Variants in RAF1 observed in about 807,000 individuals in gnomAD.
The protein encoded by RAF1 is RAF proto-oncogene serine/threonine-protein kinase.
RAF1 carries 27 observed loss-of-function variants against 81.1 expected under a neutral mutation model. The ratio of observed to expected loss-of-function variants is 0.33; its 90% CI spans 0.25 to 0.46. RAF1 has a LOEUF of 0.46. RAF1 is among the 20% of genes least tolerant of loss of function. The probability of loss-of-function intolerance (pLI) is 1.00; values close to 1 mark genes in which losing one functional copy is unlikely to be tolerated. For synonymous variants in RAF1, 298 were observed against 294.0 expected (o/e 1.01, Z -0.14); for missense variants, 598 against 826.0 (o/e 0.72, Z 3.38).
At chr3:12,633,881 G>A (rs529003710) in intron 1 of RAF1, among the ~76,000 whole-genome samples, 1 of 146,162 alleles carries the variant, frequency 6.8e-6, no homozygotes, top group East Asian at 2.0e-4. Context: ...ATTGCAGTGA[G>A]CCAAGATTGT....
chr3:12,630,081 C>G (rs2059817652), intron 1 of RAF1, among the ~76,000 whole-genome samples: 1 of 152,162 alleles, frequency 6.6e-6, no homozygotes, highest in Non-Finnish European at 1.5e-5. Context: ...CTACACCTGG[C>G]CTAATTATAT....
At chr3:12,647,052 T>C (rs890099751) in intron 1 of RAF1, among the ~76,000 whole-genome samples, 1 of 150,956 alleles carries the variant, frequency 6.6e-6, no homozygotes. Flanking sequence ...ATCCCAGCAC[T>C]TTGGGAGGCC....
chr3:12,584,853 A>G lies in RAF1; in HGVS notation c.1857T>C (p.Phe619=), dbSNP rs2125319238. 1 of 1,614,044 alleles carries G rather than the reference A, an allele frequency of 6.2e-7. No individual in the cohort carries two copies. Among genetic ancestry groups the G allele is most frequent in the Non-Finnish European group, 8.5e-7 (1 of 1,179,968 alleles). The change falls in exon 17 of 18, where the codon TTT becomes TTC. Residue 619 remains phenylalanine (F), a synonymous_variant. Transcript: ENST00000442415. Reference sequence around the variant, plus strand: ...TAGCAGCCCTGAGCCTTACCTGGGGAAAAAGAGGCCTCTCTTCCTTTACTT... The same window carrying G: ...TAGCAGCCCTGAGCCTTACCTGGGGGAAAAGAGGCCTCTCTTCCTTTACTT...
chr3:12,662,089 G>A (rs1335421247), intron 1 of RAF1, among the ~76,000 whole-genome samples: 1 of 151,624 alleles, frequency 6.6e-6, no homozygotes, highest in East Asian at 1.9e-4. Flanking sequence ...AGCACGTTGG[G>A]AGGGAGAGGT....
chr3:12,645,630 G>T (rs2060323827), intron 1 of RAF1, among the ~76,000 whole-genome samples: 3 of 152,186 alleles, frequency 2.0e-5, no homozygotes, highest in Admixed American at 1.3e-4. Context: ...TAATGTAGTG[G>T]TTAAGAGTTT....
At chr3:12,643,057 G>A (rs1422377387) in intron 1 of RAF1, among the ~76,000 whole-genome samples, 1 of 152,068 alleles carries the variant, frequency 6.6e-6, no homozygotes, top group Non-Finnish European at 1.5e-5. Context: ...CTTTCAAGAA[G>A]TAAGATCCAT....
In RAF1 at chr3:12,604,281, TG is replaced by T. The variant is rs1246231774; in HGVS notation, c.688del (p.His230ThrfsTer47). 6.2e-7 allele frequency: 1 copy of T among 1,614,054 alleles called. No homozygotes were observed. On this transcript the variant is annotated frameshift_variant, in exon 7 of 18. Transcript: ENST00000442415. LOFTEE classifies it high-confidence loss of function. ...GAAGGCGTGAGGTGTAGAATATCTG[TG>T]CTGAGAACTAGGAGGAGAAAGAAAA...
intron 8 of RAF1, 38 bp from the exon 8 acceptor site, chr3:12,600,453 C>CA: frequency 6.2e-7 from 1 of 1,612,224 alleles, no homozygotes; most frequent in Non-Finnish European, 8.5e-7. Flanking sequence ...CTCCTACACA[C>CA]AAAAGATTTT....
At chr3:12,618,161 A>G (rs1220255541) in intron 2 of RAF1, among the ~76,000 whole-genome samples, 1 of 152,304 alleles carries the variant, frequency 6.6e-6, no homozygotes, top group East Asian at 1.9e-4. Flanking sequence ...CTTTAGGTGA[A>G]TATTTTAATA....
rs1372834568 is a variant in RAF1 at position 12,599,772 on chromosome 3, C to G, written c.1087G>C (p.Glu363Gln). Reference sequence around the variant, plus strand: ...AGCATCACTTCACTGGCTTCTATTTCCCAATAATAGCTTGAATCTCTCTGT... The same window carrying G: ...AGCATCACTTCACTGGCTTCTATTTGCCAATAATAGCTTGAATCTCTCTGT... Residue 363 changes from glutamate to glutamine, a missense_variant, in exon 11 of 18, where the codon GAA becomes CAA. Transcript: ENST00000442415. 1 of 1,614,142 alleles carries G rather than the reference C, an allele frequency of 6.2e-7. No individual in the cohort carries two copies. The highest frequency in any genetic ancestry group is 2.2e-5 in the East Asian group (1 of 44,886).
At position 12,663,957 on chromosome 3, in the gene RAF1, C is replaced by A. The variant is rs2060969286; in HGVS notation, c.-171G>T. On this transcript the variant is annotated 5_prime_UTR_variant, in exon 1 of 18. An upstream start codon of the reference 5' UTR is lost. Transcript: ENST00000442415. ...GGGACGGAGCCCCGAGCAGCCCCCG[C>A]ATCGTAGCAAACGCGCTCCGCGCCT... 2.5e-6 allele frequency: 1 copy of A among 398,362 alleles called. No individual in the cohort carries two copies. The highest frequency in any genetic ancestry group is 4.4e-6 in the Non-Finnish European group (1 of 225,942). The allele number at this position is 398,362 out of a possible 1,614,324, so 24.7% of individuals were successfully genotyped here.
chr3:12,585,488 C>T (rs753838201), intron 15 of RAF1, 193 bp downstream of exon 14: 11 of 954,562 alleles, frequency 1.2e-5, no homozygotes, highest in Non-Finnish European at 1.4e-5. Flanking sequence ...AACTCCTCTC[C>T]ACACTAAGCT....
chr3:12,662,676 G>A (rs558881756), intron 1 of RAF1, among the ~76,000 whole-genome samples: 3 of 151,948 alleles, frequency 2.0e-5, no homozygotes, highest in African/African-American at 7.3e-5. Context: ...CTAAGCCTTT[G>A]TACCAGCTGT....
rs565771434 is a variant in RAF1, at chr3:12,585,034, T to C, written c.1729-53A>G. ...TGGGGGGTGAATGAACAACAGATAA[T>C]AACAAGTCCTAACCCTCTAGCTGCT... On this transcript the variant is annotated intron_variant, in intron 16 of 17. Coordinates refer to ENST00000442415, the MANE Select transcript of RAF1 (RefSeq NM_001354689.3). 17 of 1,613,418 alleles carry C rather than the reference T, an allele frequency of 1.1e-5. No individual in the cohort carries two copies. In the Admixed American group the frequency reaches 1.5e-4, roughly 14 times the overall value.
chr3:12,616,568 T>A (rs1445055967), intron 2 of RAF1, among the ~76,000 whole-genome samples: 1 of 152,234 alleles, frequency 6.6e-6, no homozygotes, highest in Non-Finnish European at 1.5e-5. Flanking sequence ...GTTAGACTTT[T>A]GAGTTTTGCC....
intron 2 of RAF1, among the ~76,000 whole-genome samples, chr3:12,617,840 C>T (rs1431855285): frequency 7.0e-6 from 1 of 141,918 alleles, no homozygotes; most frequent in Non-Finnish European, 1.5e-5. Context: ...TTGCAGTGAG[C>T]TGCACTCCAG....
At chr3:12,652,999 T>C (rs2060580655) in intron 1 of RAF1, among the ~76,000 whole-genome samples, 1 of 151,694 alleles carries the variant, frequency 6.6e-6, no homozygotes, top group African/African-American at 2.4e-5. Flanking sequence ...TAAATGATGT[T>C]GGCTGGGTGC....
In RAF1 at chr3:12,585,001, T is replaced by C. The variant is rs1024593747; in HGVS notation, c.1729-20A>G. 3.7e-6 allele frequency: 6 copies of C among 1,613,936 alleles called. No homozygotes were observed. The highest frequency in any genetic ancestry group is 5.1e-6 in the Non-Finnish European group (6 of 1,179,986). Reference sequence around the variant, plus strand: ...GATGATCTAAGGGAAAGAAAACAGCTGAGCTAATGGGGGGTGAATGAACAA... The same window carrying C: ...GATGATCTAAGGGAAAGAAAACAGCCGAGCTAATGGGGGGTGAATGAACAA... On this transcript the variant is annotated intron_variant, in intron 16 of 17. Transcript: ENST00000442415.
intron 15 of RAF1, 99 bp from the exon 15 acceptor site, chr3:12,585,352 A>G (rs569597196): frequency 6.3e-7 from 1 of 1,578,668 alleles, no homozygotes; most frequent in African/African-American, 1.3e-5. Context: ...GTTATGAATG[A>G]GTCCATTCTT....
Sources: gnomAD v4.1 joint callset for allele counts (sites outside exome capture counted in the v4.1 genomes callset) on GRCh38, gnomAD v4.1.1 for gene constraint, MANE v1.5 for transcripts, NCBI Gene and HGNC (gene_info 2026-07-23, HGNC 2026-07-21) for gene names.